The following CAMTA2 variants were observed in gnomAD, a reference collection of about 807,000 sequenced individuals.
CAMTA2 encodes calmodulin-binding transcription activator 2.
In CAMTA2, 56 loss-of-function variants were observed where a neutral mutation model predicts 135.7. The observed-to-expected ratio is 0.41, with a 90% CI of 0.33 to 0.52. The LOEUF (loss-of-function observed/expected upper bound fraction) is 0.52. Ranked by LOEUF, CAMTA2 falls within the 20% of genes least tolerant of loss-of-function variation. The pLI is 0.16. For synonymous variants in CAMTA2, 591 were observed against 604.6 expected (o/e 0.98, Z 0.33); for missense variants, 1,358 against 1,553.4 (o/e 0.87, Z 2.11).
At position 4,980,413 on chromosome 17, in the gene CAMTA2, C is replaced by T; in HGVS notation, c.909G>A (p.Glu303=). The stretch of plus-strand genomic sequence containing the variant: ...GAGGGCTAGGTCTGATTTCTAGGGG[C>T]TCTGCAAAACCTGATGAGGAGGAAG... ...SSSSSSSGFA[E]PLEIRPSPPT... is the part of the protein sequence containing the mutation. Residue 303 remains glutamate, a synonymous_variant, in exon 9 of 23, where the codon GAG becomes GAA. Coordinates refer to ENST00000348066, the MANE Select transcript of CAMTA2 (RefSeq NM_015099.4). This position sits in a 1 kb window ranked among gnomAD's most constrained non-coding sequence, Gnocchi z 5.3. The T allele has an allele frequency of 6.2e-7, 1 of 1,613,374 alleles. No homozygotes were observed. The highest frequency in any genetic ancestry group is 8.5e-7 in the Non-Finnish European group (1 of 1,179,910).
rs2143129313 is a variant in CAMTA2, at chr17:4,987,652, C to CCT, written c.-125_-124insAG. On this transcript the variant is annotated 5_prime_UTR_variant, in exon 1 of 23. Coordinates refer to ENST00000348066, the MANE Select transcript of CAMTA2 (RefSeq NM_015099.4). ...CATTCTACCCCACACCGACCCCCCCCAGCGCCGGCTGACAGCGGCGTCTAA... is the reference window on the plus strand; with the variant it reads ...CATTCTACCCCACACCGACCCCCCCCCTAGCGCCGGCTGACAGCGGCGTCTAA... 6.6e-7 allele frequency: 1 copy of CCT among 1,521,464 alleles called. No individual in the cohort carries two copies. The highest frequency in any genetic ancestry group is 1.2e-5 in the South Asian group (1 of 82,416). 94.2% of individuals were successfully genotyped at this position (1,521,464 alleles called of 1,614,324 possible).
At chr17:4,974,013 G>A in intron 12 of CAMTA2, 1 of 556,630 alleles carries the variant, frequency 1.8e-6, no homozygotes. Context: ...TCAGATTAGT[G>A]CCATGTTCAC....
At chr17:4,978,661 G>C (rs1313215156) in intron 9 of CAMTA2, 31 bp from the exon 10 acceptor site, 22 of 1,603,518 alleles carry the variant, frequency 1.4e-5, no homozygotes, top group Non-Finnish European at 1.9e-5. Context: ...CCATGTGACT[G>C]GAGTTGGGCG....
At chr17:4,977,719 C>T (rs776663585) in intron 10 of CAMTA2, among the ~76,000 whole-genome samples, 7 of 152,222 alleles carry the variant, frequency 4.6e-5, no homozygotes, top group Non-Finnish European at 8.8e-5. Context: ...GCTGTAGAGA[C>T]TGGGGGAGAA....
At chr17:4,974,532 G>C (rs553966291) in intron 11 of CAMTA2, 32 bp from the exon 12 acceptor site, 1 of 1,385,074 alleles carries the variant, frequency 7.2e-7, no homozygotes, top group African/African-American at 1.4e-5. Flanking sequence ...AGGCTGAGTG[G>C]GCAGTCTAGG....
At position 4,968,081 on chromosome 17, in the gene CAMTA2, C is replaced by T; in HGVS notation, c.*675G>A. 2.0e-6 allele frequency: 1 copy of T among 501,382 alleles called. No individual in the cohort carries two copies. The highest frequency in any genetic ancestry group is 3.6e-6 in the Non-Finnish European group (1 of 279,644). 31.1% of individuals were successfully genotyped at this position (501,382 alleles called of 1,614,324 possible). A position where few individuals can be genotyped will look rare whatever the true frequency, so the allele number is the denominator to read the frequency against. ...GCCCGTGGAGCCGGCAGGAGGCCCC[C>T]GCCGCGCTAGAGAACCACAAGCCCG... On this transcript the variant is annotated 3_prime_UTR_variant, in exon 23 of 23. Transcript: ENST00000348066.
chr17:4,971,073 T>C (rs1275802767), intron 16 of CAMTA2, among the ~76,000 whole-genome samples: 1 of 152,218 alleles, frequency 6.6e-6, no homozygotes, highest in Admixed American at 6.5e-5. Flanking sequence ...TGCCACCCAC[T>C]TACTCCATTA....
In CAMTA2 at chr17:4,987,601, G is replaced by A. The variant is rs1265778059; in HGVS notation, c.-73C>T. On this transcript the variant is annotated 5_prime_UTR_variant, in exon 1 of 23. Coordinates refer to ENST00000348066, the MANE Select transcript of CAMTA2 (RefSeq NM_015099.4). ...GAGGCCCTGGCTCTTACCTCCCGGG[G>A]TCCCGCGGGTGACGGCGGCAGCGGC... is the stretch of plus-strand genomic sequence containing the variant. The A allele has an allele frequency of 2.6e-6, 4 of 1,527,360 alleles. No individual in the cohort carries two copies. The highest frequency in any genetic ancestry group is 2.8e-5 in the African/African-American group (2 of 71,790). 94.6% of individuals were successfully genotyped at this position (1,527,360 alleles called of 1,614,324 possible).
intron 2 of CAMTA2, 63 bp downstream of exon 2, chr17:4,986,129 C>T (rs568887355): frequency 8.8e-7 from 1 of 1,136,692 alleles, no homozygotes; most frequent in African/African-American, 1.5e-5. Flanking sequence ...AATTAGAGGG[C>T]CACTAAAGCG....
intron 3 of CAMTA2, among the ~76,000 whole-genome samples, chr17:4,985,561 T>C (rs1359095666): frequency 6.6e-6 from 1 of 152,168 alleles, no homozygotes; most frequent in African/African-American, 2.4e-5. Flanking sequence ...GTAGCTGGGA[T>C]TACAGGCGTA....
In CAMTA2 at chr17:4,969,689, T is replaced by C; in HGVS notation, c.3202A>G (p.Lys1068Glu). ...GCTGCTGCTACCTCCTGCTGCTCCTTCAGCCGCCGGCCCTGAAGGGAGAGA... is the reference window on the plus strand; with the variant it reads ...GCTGCTGCTACCTCCTGCTGCTCCTCCAGCCGCCGGCCCTGAAGGGAGAGA... ...AFRKYKGRRL[K>E]EQQEVAAAVI... Residue 1068 changes from lysine (K) to glutamate (E), a missense_variant, in exon 19 of 23, where the codon AAG becomes GAG. By Grantham distance (56) the Lys-to-Glu change is moderately conservative. Around this residue, in one of 4 missense-constraint regions of CAMTA2, gnomAD observed 167 missense variants for 207.0 expected, o/e 0.81. Transcript: ENST00000348066. This position sits in a 1 kb window ranked among gnomAD's most constrained non-coding sequence, Gnocchi z 5.6. The C allele has an allele frequency of 6.2e-7, 1 of 1,613,922 alleles. No individual in the cohort carries two copies. Among genetic ancestry groups the C allele is most frequent in the Non-Finnish European group, 8.5e-7 (1 of 1,180,020 alleles).
Position 4,973,214 on chromosome 17 carries a change from A to G in CAMTA2, c.2241T>C (p.Val747=). Residue 747 remains valine (V), a synonymous_variant, in exon 14 of 23, where the codon GTT becomes GTC. Transcript: ENST00000348066. ...ETGSLDLEQE[V]DPLNVDHFSC... ...AGAAATGATCCACGTTGAGCGGGTC[A>G]ACCTCCTGCTCTAAGTCCAAGCTTC... 1 of 1,614,044 alleles carries G rather than the reference A, an allele frequency of 6.2e-7. No homozygotes were observed. The highest frequency in any genetic ancestry group is 8.5e-7 in the Non-Finnish European group (1 of 1,179,988).
chr17:4,978,717 T>C, intron 9 of CAMTA2, 87 bp from the exon 10 acceptor site: 1 of 1,464,408 alleles, frequency 6.8e-7, no homozygotes, highest in Non-Finnish European at 9.4e-7. Flanking sequence ...ACAGGGTATC[T>C]ACTATATGGC....
Position 4,978,590 on chromosome 17 carries a change from G to A in CAMTA2, c.1679C>T (p.Ala560Val). 1.2e-6 allele frequency: 2 copies of A among 1,614,170 alleles called. No homozygotes were observed. The highest frequency in any genetic ancestry group is 1.7e-6 in the Non-Finnish European group (2 of 1,179,968). Residue 560 changes from alanine (A) to valine (V), a missense_variant, in exon 10 of 23, where the codon GCC becomes GTC. This residue lies in a region of CAMTA2 where 1,077 missense variants were observed against 1,127.5 expected (regional missense o/e 0.96). Coordinates refer to ENST00000348066, the MANE Select transcript of CAMTA2 (RefSeq NM_015099.4). ...AAAGACACAGGAGTAATGCTCGGCG[G>A]CTTCGGTCCAAGGACCTGTGATGAG... ...KVLITGPWTEAAEHYSCVFDH... is the reference protein window; with the variant it reads ...KVLITGPWTEVAEHYSCVFDH...
At position 4,972,250 on chromosome 17, in the gene CAMTA2, C is replaced by A; in HGVS notation, c.2790G>T (p.Gln930His). 1 of 1,614,016 alleles carries A rather than the reference C, an allele frequency of 6.2e-7. No individual in the cohort carries two copies. Among genetic ancestry groups the A allele is most frequent in the South Asian group, 1.1e-5 (1 of 91,062 alleles). Residue 930 changes from glutamine (Q) to histidine (H), a missense_variant, in exon 16 of 23, where the codon CAG becomes CAT. By Grantham distance (24) the Gln-to-His change is conservative (BLOSUM62 0). Transcript: ENST00000348066. ...GCAGTACCGGGATCACATCCACAGC[C>A]TGTGGGCTGTCAGCGTCCTCTGGAG... ...GAAPEDADSP[Q>H]AVDVIPVDMI...
chr17:4,978,795 A>G (rs938906779), intron 9 of CAMTA2, among the ~76,000 whole-genome samples, 165 bp from the exon 10 acceptor site: 1 of 152,012 alleles, frequency 6.6e-6, no homozygotes, highest in Non-Finnish European at 1.5e-5. Context: ...CAGTGAGTCT[A>G]TCTCTCCCCA....
chr17:4,982,119 T>C lies in CAMTA2; in HGVS notation c.381A>G (p.Thr127=), dbSNP rs375041273. The C allele has an allele frequency of 6.3e-5, 101 of 1,594,092 alleles. No individual in the cohort carries two copies. Among genetic ancestry groups the C allele is most frequent in the Non-Finnish European group, 8.0e-5 (94 of 1,170,296 alleles). ...GCAGCCAGTAGCAGCGCCGATGGAA[T>C]GTGGGGACGATGGAAGAGTGAACGT... ...GCYVHSSIVP[T]FHRRCYWLLQ... is the part of the protein sequence containing the mutation. Residue 127 remains threonine, a synonymous_variant, in exon 6 of 23, where the codon ACA becomes ACG. Transcript: ENST00000348066.
chr17:4,986,267 GGGGGGA>G lies in CAMTA2; in HGVS notation c.-51_-46del. 4.7e-6 allele frequency: 7 copies of G among 1,478,404 alleles called. No individual in the cohort carries two copies. The highest frequency in any genetic ancestry group is 4.7e-6 in the Non-Finnish European group (5 of 1,068,562). The allele number at this position is 1,478,404 out of a possible 1,614,324, so 91.6% of individuals were successfully genotyped here. On this transcript the variant is annotated 5_prime_UTR_variant, in exon 2 of 23. Transcript: ENST00000348066. ...AAGGTCACCCCCGGCCTGAGGGGCC[GGGGGGA>G]GGGGGAGTCTGTGCTGGGAAGGGAG...
Position 4,970,516 on chromosome 17 carries a change from G to C in CAMTA2, c.2829C>G (p.Ala943=). 1 of 1,611,628 alleles carries C rather than the reference G, an allele frequency of 6.2e-7. No individual in the cohort carries two copies. The highest frequency in any genetic ancestry group is 8.5e-7 in the Non-Finnish European group (1 of 1,179,946). ...DVIPVDMISL[A]KQIIEATPER... is the part of the protein sequence containing the mutation. ...CCGGTGTGGCTTCGATGATCTGCTT[G>C]GCTAGTGAGATCATGTCCACCTGGA... Residue 943 remains alanine, a synonymous_variant, in exon 17 of 23, where the codon GCC becomes GCG. Transcript: ENST00000348066.
Sources: gnomAD v4.1 joint callset for allele counts (sites outside exome capture counted in the v4.1 genomes callset) on GRCh38, gnomAD v4.1.1 for gene constraint, gnomAD v4.1.1 regional missense constraint, Gnocchi (gnomAD v3.1) non-coding constraint, MANE v1.5 for transcripts, NCBI Gene and HGNC (gene_info 2026-07-23, HGNC 2026-07-21) for gene names.